Variants in DCC observed in about 807,000 individuals in gnomAD.
The protein encoded by DCC is DCC netrin 1 receptor, also known as netrin receptor DCC.
DCC carries 58 observed loss-of-function variants against 172.5 expected under a neutral mutation model. The ratio of observed to expected loss-of-function variants is 0.34; its 90% CI spans 0.27 to 0.42. The LOEUF (loss-of-function observed/expected upper bound fraction) is 0.42. Ranked by LOEUF, DCC falls within the 10% of genes least tolerant of loss-of-function variation. The pLI, the probability that DCC is intolerant of heterozygous loss-of-function variation, is 1.00. For missense variants in DCC, 1,740 were observed against 1,791.0 expected (o/e 0.97, Z 0.51); for synonymous variants, 709 against 644.5 (o/e 1.10, Z -1.52).
chr18:53,092,438 A>G (rs2144186112), intron 7 of DCC, among the ~76,000 whole-genome samples: 1 of 152,368 alleles, frequency 6.6e-6, no homozygotes, highest in African/African-American at 2.4e-5. Context: ...GTCTATGGTT[A>G]GACATGGACT....
In DCC at chr18:52,386,824, A is replaced by T. The variant is rs191074619; in HGVS notation, c.91+45946A>T. On this transcript the variant is annotated intron_variant, in intron 1 of 28. Transcript: ENST00000442544. ...ACATAGTTTGTACACATTACACAAC[A>T]TGTATCATATATCAAAAATCACCTT... Among the ~76,000 whole-genome samples, 200 of 152,232 alleles carry T rather than the reference A, an allele frequency of 1.3e-3. 5 individuals carry two copies. The highest frequency in any genetic ancestry group is 4.5e-3 in the African/African-American group (187 of 41,526).
intron 8 of DCC, among the ~76,000 whole-genome samples, chr18:53,162,298 CAA>C (rs59626358): frequency 1.3e-3 from 149 of 114,718 alleles, no homozygotes; most frequent in Middle Eastern, 4.6e-3. Context: ...GACTCTGCCT[CAA>C]AAAAAAAAAA....
At chr18:52,662,782 C>T (rs969862460) in intron 1 of DCC, among the ~76,000 whole-genome samples, 10 of 152,172 alleles carry the variant, frequency 6.6e-5, no homozygotes, top group African/African-American at 2.4e-4. Flanking sequence ...GAGTGGCTTA[C>T]ACCAAAATTT....
intron 3 of DCC, 40 bp downstream of exon 3, chr18:52,906,368 C>T (rs1026415363): frequency 6.2e-7 from 1 of 1,605,504 alleles, no homozygotes; most frequent in Admixed American, 1.7e-5. Flanking sequence ...ATGATATTCT[C>T]TGGAATAAGT....
intron 1 of DCC, among the ~76,000 whole-genome samples, chr18:52,627,323 C>A (rs1221870): frequency 0.2 from 30,272 of 152,074 alleles, 3,272 homozygotes; most frequent in Admixed American, 0.25. Flanking sequence ...GCCCCTATAA[C>A]AGTGCCTGGG....
intron 2 of DCC, among the ~76,000 whole-genome samples, chr18:52,894,448 ATAT>A (rs1304608362): frequency 6.7e-6 from 1 of 150,312 alleles, no homozygotes; most frequent in African/African-American, 2.4e-5. Flanking sequence ...GTATGTATTT[ATAT>A]TATTTTTATA....
intron 7 of DCC, among the ~76,000 whole-genome samples, chr18:53,087,718 G>C (rs1246623143): frequency 2.6e-5 from 4 of 152,004 alleles, no homozygotes; most frequent in East Asian, 1.9e-4. Flanking sequence ...TTTTCTTCTA[G>C]GGTTTTTATG....
chr18:52,525,862 G>T (rs1341276011), intron 1 of DCC, among the ~76,000 whole-genome samples: 1 of 152,084 alleles, frequency 6.6e-6, no homozygotes, highest in Non-Finnish European at 1.5e-5. Context: ...AACTGCTATT[G>T]CACCTTATTT....
At chr18:52,924,353 G>A (rs1245055951) in intron 4 of DCC, among the ~76,000 whole-genome samples, 1 of 151,972 alleles carries the variant, frequency 6.6e-6, no homozygotes, top group African/African-American at 2.4e-5. Flanking sequence ...AAAGCTAAGG[G>A]GAAAAATGAA....
At chr18:52,927,665 A>C (rs866812028) in intron 5 of DCC, among the ~76,000 whole-genome samples, 1 of 152,106 alleles carries the variant, frequency 6.6e-6, no homozygotes, top group Non-Finnish European at 1.5e-5. Context: ...AATGCTCCAC[A>C]TTACTAATCA....
intron 25 of DCC, among the ~76,000 whole-genome samples, chr18:53,476,165 G>C (rs1385633637): frequency 6.6e-6 from 1 of 152,196 alleles, no homozygotes; most frequent in East Asian, 1.9e-4. Context: ...TGATTTTACA[G>C]GCTGATAGGT....
chr18:52,546,690 A>T (rs1428549181), intron 1 of DCC, among the ~76,000 whole-genome samples: 1 of 151,598 alleles, frequency 6.6e-6, no homozygotes, highest in African/African-American at 2.4e-5. Context: ...CATCATCATC[A>T]TCCCTGGTAA....
intron 1 of DCC, among the ~76,000 whole-genome samples, chr18:52,518,130 C>T (rs1055703752): frequency 2.6e-5 from 4 of 152,126 alleles, no homozygotes; most frequent in African/African-American, 9.7e-5. Flanking sequence ...AAAAAGCAAT[C>T]CTCCTAGAAA....
chr18:53,190,074 G>T (rs2055343421), intron 9 of DCC, among the ~76,000 whole-genome samples: 1 of 152,108 alleles, frequency 6.6e-6, no homozygotes, highest in South Asian at 2.1e-4. Context: ...TTACAGGCAT[G>T]CGCCACCACG....
chr18:52,426,890 T>C (rs1247229049), intron 1 of DCC, among the ~76,000 whole-genome samples: 2 of 152,182 alleles, frequency 1.3e-5, no homozygotes, highest in African/African-American at 4.8e-5. Context: ...TAATAACGAT[T>C]CATTGAATAC....
chr18:53,291,876 A>G (rs780057112), intron 12 of DCC, among the ~76,000 whole-genome samples: 9 of 152,190 alleles, frequency 5.9e-5, no homozygotes, highest in Non-Finnish European at 1.0e-4. Flanking sequence ...CATAAACTCT[A>G]GGGAACAACC....
At chr18:53,145,270 C>T (rs1013884307) in intron 7 of DCC, among the ~76,000 whole-genome samples, 3 of 151,982 alleles carry the variant, frequency 2.0e-5, no homozygotes, top group Admixed American at 6.5e-5. Context: ...CCCGCCACCA[C>T]GCCCCGCTAA....
chr18:53,277,970 C>T (rs974473873), intron 12 of DCC, among the ~76,000 whole-genome samples: 4 of 152,110 alleles, frequency 2.6e-5, no homozygotes, highest in African/African-American at 9.7e-5. Flanking sequence ...ATAATAGTGA[C>T]TGTGGGCTTC....
At chr18:52,766,385 A>G (rs2037253192) in intron 2 of DCC, among the ~76,000 whole-genome samples, 1 of 152,196 alleles carries the variant, frequency 6.6e-6, no homozygotes, top group Non-Finnish European at 1.5e-5. Flanking sequence ...TCTGCCAACT[A>G]AGGCAAAGAG....
Sources: allele counts gnomAD v4.1 joint callset (sites outside exome capture counted in the v4.1 genomes callset), GRCh38; gene constraint gnomAD v4.1.1; transcripts MANE v1.5; gene names NCBI Gene and HGNC (gene_info 2026-07-23, HGNC 2026-07-21).